The following ADCY4 variants were observed in gnomAD, a reference collection of about 807,000 sequenced individuals.
ADCY4 encodes adenylate cyclase 4.
A neutral mutation model predicts 125.5 loss-of-function variants in ADCY4; 111 were observed. That is an observed-to-expected ratio of 0.88 (90% CI 0.76 to 1.04). The LOEUF (loss-of-function observed/expected upper bound fraction) is 1.04, where lower values mean the gene tolerates loss of function less well. Among genes scored for constraint, ADCY4 ranks in the 50% least tolerant of loss-of-function variants. ADCY4 has a pLI of 0.00. For missense variants in ADCY4, 1,256 were observed against 1,382.9 expected, an observed-to-expected ratio of 0.91 and a Z score of 1.46; for synonymous variants, 576 against 586.9, an observed-to-expected ratio of 0.98 and a Z score of 0.27.
chr14:24,331,100 G>A lies in ADCY4; in HGVS notation c.848C>T (p.Thr283Met), dbSNP rs753381771. 1.5e-5 allele frequency: 25 copies of A among 1,613,492 alleles called. No individual in the cohort carries two copies. The highest frequency in any genetic ancestry group is 2.0e-5 in the Non-Finnish European group (24 of 1,179,516). ...SVLYADIVGF[T>M]RLASECSPKE... ...AGGGGAACACTCGCTGGCCAGCCGC[G>A]TGAAGCCCACGATGTCAGCATACAG... Residue 283 changes from threonine (T) to methionine (M), a missense_variant, in exon 6 of 25, where the codon ACG becomes ATG. Thr to Met is a moderately conservative substitution (Grantham distance 81, BLOSUM62 -1). Coordinates refer to ENST00000418030, the MANE Select transcript of ADCY4 (RefSeq NM_001198568.2).
In ADCY4 at chr14:24,319,496, G is replaced by A; in HGVS notation, c.2734-60C>T. 2 of 1,541,992 alleles carry A rather than the reference G, an allele frequency of 1.3e-6. No homozygotes were observed. Among genetic ancestry groups the A allele is most frequent in the South Asian group, 1.1e-5 (1 of 88,926 alleles). On this transcript the variant is annotated intron_variant, in intron 21 of 24. Coordinates refer to ENST00000418030, the MANE Select transcript of ADCY4 (RefSeq NM_001198568.2). The surrounding 1 kb of genome is among the most constrained non-coding windows in gnomAD (Gnocchi z 4.5). ...CTTACTCTCTCCATCACCTCTCCCA[G>A]AAGCCCAGCCCCAAGCCTTTGGAGT...
chr14:24,321,479 G>A (rs1192756868), intron 20 of ADCY4, among the ~76,000 whole-genome samples: 1 of 151,334 alleles, frequency 6.6e-6, no homozygotes, highest in East Asian at 1.9e-4. Context: ...CCTGAGCGAT[G>A]AGAGTGAAAC....
chr14:24,326,751 G>C (rs2041952939), intron 10 of ADCY4, among the ~76,000 whole-genome samples: 1 of 152,038 alleles, frequency 6.6e-6, no homozygotes, highest in South Asian at 2.1e-4. Flanking sequence ...GTGCCACCAC[G>C]CCCAGCTAAT....
chr14:24,330,050 C>T lies in ADCY4; in HGVS notation c.1059-32G>A, dbSNP rs1362813173. On this transcript the variant is annotated intron_variant, in intron 7 of 24. Coordinates refer to ENST00000418030, the MANE Select transcript of ADCY4 (RefSeq NM_001198568.2). ...AGTGTGTGTGTGGGACAATCTGAGT[C>T]CTACCCTCAGCCCTGCCTGTGAGAC... The T allele has an allele frequency of 3.7e-6, 6 of 1,604,170 alleles. No individual in the cohort carries two copies. In the East Asian group the frequency reaches 1.3e-4, roughly 36 times the overall value.
rs139136186 is a variant in ADCY4, at chr14:24,325,471, G to A, written c.1729C>T (p.Arg577Ter). 146 of 1,613,086 alleles carry A rather than the reference G, an allele frequency of 9.1e-5. No individual in the cohort carries two copies. The highest frequency in any genetic ancestry group is 1.2e-4 in the Non-Finnish European group (136 of 1,179,522). The change falls in exon 14 of 25, where the codon CGA becomes TGA. Residue 577 changes from arginine (R) to a stop codon, truncating the protein, a stop_gained. Transcript: ENST00000418030. LOFTEE classifies it high-confidence loss of function. ...FREKEMEKEY[R>*]LSAIPAFKYY... ...TTGAAGGCGGGGATTGCAGAGAGTC[G>A]GTACTGAAAGTGAGAGGGCCAGAGG...
rs1287300312 is a variant in ADCY4 at position 24,319,481 on chromosome 14, C to G, written c.2734-45G>C. The G allele has an allele frequency of 1.3e-6, 2 of 1,580,518 alleles. No homozygotes were observed. Among genetic ancestry groups the G allele is most frequent in the Non-Finnish European group, 1.7e-6 (2 of 1,150,970 alleles). On this transcript the variant is annotated intron_variant, in intron 21 of 24. Coordinates refer to ENST00000418030, the MANE Select transcript of ADCY4 (RefSeq NM_001198568.2). This position sits in a 1 kb window ranked among gnomAD's most constrained non-coding sequence, Gnocchi z 4.5. ...CTGTCCCCAGTCTCTCTTACTCTCT[C>G]CATCACCTCTCCCAGAAGCCCAGCC...
chr14:24,323,227 G>A, intron 17 of ADCY4, 117 bp downstream of exon 17: 1 of 1,384,174 alleles, frequency 7.2e-7, no homozygotes, highest in Non-Finnish European at 1.0e-6. Flanking sequence ...TACACACTGG[G>A]TGTGACTTAT....
At chr14:24,333,009 G>A in intron 1 of ADCY4, 21 bp from the exon 2 acceptor site, 1 of 1,504,092 alleles carries the variant, frequency 6.6e-7, no homozygotes, top group Non-Finnish European at 8.9e-7. Flanking sequence ...GGGTGTGTGA[G>A]GCAAGATTGT....
chr14:24,329,816 CTGG>C, intron 8 of ADCY4, 41 bp downstream of exon 8: 3 of 1,591,886 alleles, frequency 1.9e-6, no homozygotes, highest in Non-Finnish European at 2.6e-6. Flanking sequence ...TGTGGTAGGC[CTGG>C]TTGGCCTTCT....
chr14:24,322,209 G>C lies in ADCY4; in HGVS notation c.2443C>G (p.Arg815Gly), dbSNP rs750532685. ...TTCTTCTTCCACAGGAAGTCCAGGCGGCAGTAGTACTCATTCTGGGGAGGG... is the reference window on the plus strand; with the variant it reads ...TTCTTCTTCCACAGGAAGTCCAGGCCGCAGTAGTACTCATTCTGGGGAGGG... ...VLARQNEYYC[R>G]LDFLWKKKLR... Residue 815 changes from arginine (R) to glycine (G), a missense_variant, in exon 20 of 25, where the codon CGC (arginine) becomes GGC (glycine). By Grantham distance (125) the Arg-to-Gly change is moderately radical. Transcript: ENST00000418030. The C allele has an allele frequency of 6.2e-7, 1 of 1,613,714 alleles. No homozygotes were observed. Among genetic ancestry groups the C allele is most frequent in the Non-Finnish European group, 8.5e-7 (1 of 1,179,744 alleles).
At chr14:24,326,378 G>A (rs1418033687) in intron 10 of ADCY4, 36 bp from the exon 11 acceptor site, 24 of 1,595,712 alleles carry the variant, frequency 1.5e-5, no homozygotes, top group Non-Finnish European at 2.0e-5. Flanking sequence ...GGGCATGGTG[G>A]GTGTTTTCCC....
intron 19 of ADCY4, 168 bp downstream of exon 19, chr14:24,322,456 G>T (rs539453124): frequency 1.9e-4 from 167 of 866,472 alleles, no homozygotes; most frequent in Admixed American, 1.2e-3. Flanking sequence ...TTCCCAGATA[G>T]GGGTGTGGGA....
At chr14:24,325,537 C>A in intron 13 of ADCY4, 63 bp from the exon 14 acceptor site, 1 of 1,424,810 alleles carries the variant, frequency 7.0e-7, no homozygotes, top group Admixed American at 1.8e-5. Flanking sequence ...TTGAAGGCAT[C>A]ACTCCCAGGC....
intron 5 of ADCY4, 34 bp from the exon 6 acceptor site, chr14:24,331,163 G>A (rs990737419): frequency 2.5e-6 from 4 of 1,613,470 alleles, no homozygotes; most frequent in Non-Finnish European, 3.4e-6. Flanking sequence ...CAGGGCCAGG[G>A]TCTTAGCCCA....
At position 24,334,506 on chromosome 14, in the gene ADCY4, C is replaced by T. The variant is rs2042102139; in HGVS notation, c.147G>A (p.Trp49Ter). 6.3e-7 allele frequency: 1 copy of T among 1,581,366 alleles called. No homozygotes were observed. The change falls in exon 1 of 25, where the codon TGG becomes TGA. Residue 49 changes from tryptophan to a stop codon, truncating the protein, a stop_gained. Coordinates refer to ENST00000418030, the MANE Select transcript of ADCY4 (RefSeq NM_001198568.2). LOFTEE classifies it high-confidence loss of function. ...CALAALLAVA[W>*]ASGRELTSDP... ...AGGCTCGGCTCACCCTGCCGCTGGC[C>T]CAGGCCACTGCGAGCAGCGCCGCGA... is the stretch of plus-strand genomic sequence containing the variant.
At position 24,322,676 on chromosome 14, in the gene ADCY4, C is replaced by T; in HGVS notation, c.2375G>A (p.Gly792Asp). Residue 792 changes from glycine to aspartate, a missense_variant, in exon 19 of 25, where the codon GGT becomes GAT. Transcript: ENST00000418030. ...PGVLKEPKLMGAISFFIFFFT... is the reference protein window; with the variant it reads ...PGVLKEPKLMDAISFFIFFFT... ...GAAGAAGATGAAGAAGGAGATAGCACCCATCAGTTTGGGCTCCTTCAGCAC... is the reference window on the plus strand; with the variant it reads ...GAAGAAGATGAAGAAGGAGATAGCATCCATCAGTTTGGGCTCCTTCAGCAC... The T allele has an allele frequency of 6.2e-7, 1 of 1,614,174 alleles. No individual in the cohort carries two copies. Among genetic ancestry groups the T allele is most frequent in the Non-Finnish European group, 8.5e-7 (1 of 1,180,028 alleles).
chr14:24,329,203 C>T lies in ADCY4; in HGVS notation c.1382G>A (p.Gly461Glu), dbSNP rs2139217099. 6.2e-7 allele frequency: 1 copy of T among 1,613,836 alleles called. No homozygotes were observed. The highest frequency in any genetic ancestry group is 8.5e-7 in the Non-Finnish European group (1 of 1,179,864). The change falls in exon 10 of 25, where the codon GGA becomes GAA. Residue 461 changes from glycine to glutamate, a missense_variant. By Grantham distance (98) the Gly-to-Glu change is moderately conservative. Transcript: ENST00000418030. ...GCCCTCAAGCGAGGACAGCAAGCCT[C>T]CTGCAGTGCCCTTCTCATCCTCCTC... ...AEEEDEKGTA[G>E]GLLSSLEGLK... is the part of the protein sequence containing the mutation.
At position 24,334,939 on chromosome 14, in the gene ADCY4, G is replaced by A; in HGVS notation, c.-287C>T. ...TCATCGCCAGGAGGGCAGGATTTGG[G>A]GTTGGTGCGAGGGAGCCCCGGGTTC... On this transcript the variant is annotated 5_prime_UTR_variant, in exon 1 of 25. Transcript: ENST00000418030. 1 of 348,860 alleles carries A rather than the reference G, an allele frequency of 2.9e-6. No homozygotes were observed. The highest frequency in any genetic ancestry group is 5.2e-6 in the Non-Finnish European group (1 of 192,294). 21.6% of individuals were successfully genotyped at this position (348,860 alleles called of 1,614,324 possible). A position where few individuals can be genotyped will look rare whatever the true frequency, so the allele number is the denominator to read the frequency against.
intron 19 of ADCY4, 40 bp downstream of exon 19, chr14:24,322,584 T>C (rs1462204401): frequency 3.8e-6 from 6 of 1,597,966 alleles, no homozygotes; most frequent in Non-Finnish European, 5.1e-6. Flanking sequence ...TGGGGGCCAC[T>C]CATAGGTGGG....
Sources: gnomAD v4.1 joint callset for allele counts (sites outside exome capture counted in the v4.1 genomes callset) on GRCh38, gnomAD v4.1.1 for gene constraint, Gnocchi (gnomAD v3.1) non-coding constraint, MANE v1.5 for transcripts, NCBI Gene and HGNC (gene_info 2026-07-23, HGNC 2026-07-21) for gene names.